The following MAG variants were observed in gnomAD, a reference collection of about 807,000 sequenced individuals.
MAG encodes the protein myelin associated glycoprotein.
In MAG, 30 loss-of-function variants were observed where a neutral mutation model predicts 60.7. The observed-to-expected ratio is 0.49, with a 90% CI of 0.37 to 0.67. MAG has a LOEUF of 0.67. Among genes scored for constraint, MAG ranks in the 30% least tolerant of loss-of-function variants. The pLI is 0.00. For synonymous variants in MAG, 384 were observed against 376.8 expected, an observed-to-expected ratio of 1.02 and a Z score of -0.22; for missense variants, 795 against 851.7, an observed-to-expected ratio of 0.93 and a Z score of 0.83.
At chr19:35,303,927 C>T (rs1454684679) in intron 7 of MAG, among the ~76,000 whole-genome samples, 1 of 152,158 alleles carries the variant, frequency 6.6e-6, no homozygotes, top group African/African-American at 2.4e-5. Flanking sequence ...TCCCAAGTTC[C>T]TGTTGGCTTC....
At chr19:35,297,709 AAC>A (rs1599648810) in intron 4 of MAG, among the ~76,000 whole-genome samples, 1 of 134,730 alleles carries the variant, frequency 7.4e-6, no homozygotes, top group Non-Finnish European at 1.6e-5. Flanking sequence ...CCACACACCA[AAC>A]ACACACTACA....
chr19:35,308,322 T>G (rs1240367715), intron 7 of MAG, among the ~76,000 whole-genome samples: 1 of 152,142 alleles, frequency 6.6e-6, no homozygotes, highest in Non-Finnish European at 1.5e-5. Flanking sequence ...GGGAGAAAGC[T>G]CCACGATTTT....
intron 7 of MAG, among the ~76,000 whole-genome samples, chr19:35,303,096 G>C (rs773213902): frequency 6.6e-6 from 1 of 152,034 alleles, no homozygotes; most frequent in Non-Finnish European, 1.5e-5. Context: ...GCAAATTTTT[G>C]TATTTTTAGT....
Position 35,309,931 on chromosome 19 carries a change from G to C in MAG, c.1289G>C (p.Cys430Ser), listed in dbSNP as rs1486911093. The C allele has an allele frequency of 6.2e-7, 1 of 1,613,930 alleles. No homozygotes were observed. The highest frequency in any genetic ancestry group is 8.5e-7 in the Non-Finnish European group (1 of 1,179,966). ...HCAAARDTVQCLCVVKSNPEP... is the reference protein window; with the variant it reads ...HCAAARDTVQSLCVVKSNPEP... The stretch of plus-strand genomic sequence containing the variant: ...GCGGCAGCCCGAGACACGGTGCAGT[G>C]CCTGTGCGTGGTGAAGTCCAACCCG... Residue 430 changes from cysteine (C) to serine (S), a missense_variant, in exon 8 of 11, where the codon TGC (cysteine) becomes TCC (serine). Physicochemically the swap from Cys to Ser is moderately radical, Grantham distance 112. Coordinates refer to ENST00000392213, the MANE Select transcript of MAG (RefSeq NM_002361.4).
chr19:35,300,371 C>G lies in MAG; in HGVS notation c.937C>G (p.Gln313Glu). 1 of 1,591,130 alleles carries G rather than the reference C, an allele frequency of 6.3e-7. No homozygotes were observed. The highest frequency in any genetic ancestry group is 8.5e-7 in the Non-Finnish European group (1 of 1,173,732). ...CTGCCTGGCCGAGAATGCCTATGGC[C>G]AGGACAACCGCACCGTGGGGCTCAG... ...YACLAENAYG[Q>E]DNRTVGLSVM... Residue 313 changes from glutamine (Q) to glutamate (E), a missense_variant, in exon 6 of 11, where the codon CAG becomes GAG. Gln to Glu is a conservative substitution (Grantham distance 29). Transcript: ENST00000392213.
chr19:35,292,499 G>A (rs183485777), intron 1 of MAG, among the ~76,000 whole-genome samples: 12 of 152,196 alleles, frequency 7.9e-5, no homozygotes, highest in South Asian at 4.2e-4. Context: ...TCCCGAGTGC[G>A]GGGCAGATGG....
Position 35,295,990 on chromosome 19 carries a change from C to T in MAG, c.415+9C>T, listed in dbSNP as rs368160883. 6.4e-6 allele frequency: 10 copies of T among 1,556,960 alleles called. 1 individual carries two copies. Among genetic ancestry groups the T allele is most frequent in the Non-Finnish European group, 6.1e-6 (7 of 1,149,436 alleles). On this transcript the variant is annotated intron_variant, in intron 4 of 10. Coordinates refer to ENST00000392213, the MANE Select transcript of MAG (RefSeq NM_002361.4). This position sits in a 1 kb window ranked among gnomAD's most constrained non-coding sequence, Gnocchi z 5.8. The stretch of plus-strand genomic sequence containing the variant: ...CGTCCTGGATATCGTCAGTGAGTCC[C>T]CAGCGGTTGTGCAGGCACCGGGAGC...
In MAG at chr19:35,300,238, G is replaced by A. The variant is rs1489038972; in HGVS notation, c.804G>A (p.Pro268=). 14 of 1,587,340 alleles carry A rather than the reference G, an allele frequency of 8.8e-6. No individual in the cohort carries two copies. Among genetic ancestry groups the A allele is most frequent in the East Asian group, 2.3e-5 (1 of 44,028 alleles). ...TCTGTGGGGCTGACAGCAACCCCCC[G>A]CCGCTGCTGACCTGGATGCGGGACG... is the stretch of plus-strand genomic sequence containing the variant. ...SLLCGADSNP[P]PLLTWMRDGT... Residue 268 remains proline, a synonymous_variant, in exon 6 of 11, where the codon CCG becomes CCA. Coordinates refer to ENST00000392213, the MANE Select transcript of MAG (RefSeq NM_002361.4).
intron 7 of MAG, among the ~76,000 whole-genome samples, chr19:35,308,634 T>C (rs2066502433): frequency 2.0e-5 from 3 of 152,226 alleles, no homozygotes. Context: ...TCTGCAATTC[T>C]GAACATAAAG....
intron 7 of MAG, among the ~76,000 whole-genome samples, chr19:35,307,640 T>G (rs2066494969): frequency 6.6e-6 from 1 of 152,128 alleles, no homozygotes; most frequent in Admixed American, 6.6e-5. Context: ...TGAGCAGAGA[T>G]CGTGCCACTG....
chr19:35,309,877 C>T lies in MAG; in HGVS notation c.1235C>T (p.Ala412Val), dbSNP rs746275867. 3 of 1,608,758 alleles carry T rather than the reference C, an allele frequency of 1.9e-6. No homozygotes were observed. The highest frequency in any genetic ancestry group is 2.5e-6 in the Non-Finnish European group (3 of 1,178,496). ...ATAFNLSVEF[A>V]PVLLLESHCA... ...AGACCTGATTTTGCCCCTGCAGTCG[C>T]CCCTGTGCTCCTCCTGGAGTCCCAC... Residue 412 changes from alanine to valine, a missense_variant, in exon 8 of 11, where the codon GCC becomes GTC. By Grantham distance (64) the Ala-to-Val change is moderately conservative. Coordinates refer to ENST00000392213, the MANE Select transcript of MAG (RefSeq NM_002361.4).
At chr19:35,313,175 C>T (rs940961491) in intron 10 of MAG, 115 bp from the exon 11 acceptor site, 23 of 1,158,862 alleles carry the variant, frequency 2.0e-5, no homozygotes, top group East Asian at 2.6e-5. Flanking sequence ...AGGAGGTTCT[C>T]GCAGGGATTT....
At chr19:35,294,624 A>C (rs2066382363) in intron 2 of MAG, among the ~76,000 whole-genome samples, 1 of 152,228 alleles carries the variant, frequency 6.6e-6, no homozygotes, top group Non-Finnish European at 1.5e-5. Context: ...AATTATAAGT[A>C]ATAGCAGCAG....
chr19:35,313,256 C>T (rs755161936), intron 10 of MAG, 34 bp from the exon 11 acceptor site: 1 of 1,601,348 alleles, frequency 6.2e-7, no homozygotes, highest in East Asian at 2.2e-5. Context: ...AGGCAGGGAG[C>T]AGGACCCTGC....
Position 35,295,574 on chromosome 19 carries a change from G to A in MAG, c.47-39G>A. 1.3e-6 allele frequency: 2 copies of A among 1,595,266 alleles called. No homozygotes were observed. Among genetic ancestry groups the A allele is most frequent in the East Asian group, 4.5e-5 (2 of 44,766 alleles). On this transcript the variant is annotated intron_variant, in intron 3 of 10. Transcript: ENST00000392213. The surrounding 1 kb of genome is among the most constrained non-coding windows in gnomAD (Gnocchi z 5.8). ...GGAGCCGGAGGGGGTGATCGGGTAG[G>A]ACGTGTCCCTGAGCCTCAGCTCTCC...
At chr19:35,313,210 T>G in intron 10 of MAG, 80 bp from the exon 11 acceptor site, 2 of 1,455,266 alleles carry the variant, frequency 1.4e-6, no homozygotes, top group Non-Finnish European at 1.8e-6. Flanking sequence ...TCAGGAGCTC[T>G]GAGGGTGCAA....
intron 10 of MAG, 157 bp downstream of exon 10, chr19:35,312,174 G>A (rs2145627938): frequency 7.8e-7 from 1 of 1,289,386 alleles, no homozygotes; most frequent in Admixed American, 1.7e-5. Flanking sequence ...TGGAGGCTGG[G>A]GAGGAGGTGC....
rs766463945 is a variant in MAG, at chr19:35,300,224, G to A, written c.790G>A (p.Asp264Asn). ...GSHVSLLCGADSNPPPLLTWM... is the reference protein window; with the variant it reads ...GSHVSLLCGANSNPPPLLTWM... Reference sequence around the variant, plus strand: ...CCACGTGAGCCTGCTCTGTGGGGCTGACAGCAACCCCCCGCCGCTGCTGAC... The same window carrying A: ...CCACGTGAGCCTGCTCTGTGGGGCTAACAGCAACCCCCCGCCGCTGCTGAC... The change falls in exon 6 of 11, where the codon GAC (aspartate) becomes AAC (asparagine). Residue 264 changes from aspartate (D) to asparagine (N), a missense_variant. Coordinates refer to ENST00000392213, the MANE Select transcript of MAG (RefSeq NM_002361.4). The A allele has an allele frequency of 6.3e-7, 1 of 1,585,750 alleles. No individual in the cohort carries two copies. The highest frequency in any genetic ancestry group is 8.6e-7 in the Non-Finnish European group (1 of 1,166,374).
rs1182411854 is a variant in MAG, at chr19:35,313,526, C to G, written c.*72C>G. On this transcript the variant is annotated 3_prime_UTR_variant, in exon 11 of 11. Transcript: ENST00000392213. ...CTGGCCCCCACTGGCTGTGGGCTCC[C>G]TTCCTCCCAAAAGTATCGGGGGCTG... The G allele has an allele frequency of 6.9e-7, 1 of 1,455,726 alleles. No individual in the cohort carries two copies. Among genetic ancestry groups the G allele is most frequent in the African/African-American group, 1.4e-5 (1 of 70,084 alleles). The allele number at this position is 1,455,726 out of a possible 1,614,324, so 90.2% of individuals were successfully genotyped here.
Sources: allele counts gnomAD v4.1 joint callset (sites outside exome capture counted in the v4.1 genomes callset), GRCh38; gene constraint gnomAD v4.1.1; non-coding constraint Gnocchi (gnomAD v3.1); transcripts MANE v1.5; gene names NCBI Gene and HGNC (gene_info 2026-07-23, HGNC 2026-07-21).